Variants in CTNNA2 observed in about 807,000 individuals in gnomAD.
The protein encoded by CTNNA2 is catenin alpha-2.
A neutral mutation model predicts 101.0 loss-of-function variants in CTNNA2; 42 were observed. The ratio of observed to expected loss-of-function variants is 0.42; its 90% CI spans 0.32 to 0.54. The LOEUF (loss-of-function observed/expected upper bound fraction) is 0.54, where lower values mean the gene tolerates loss of function less well. Among genes scored for constraint, CTNNA2 ranks in the 20% least tolerant of loss-of-function variants. The pLI, the probability that CTNNA2 is intolerant of heterozygous loss-of-function variation, is 0.14. For synonymous variants in CTNNA2, 450 were observed against 456.4 expected (o/e 0.99, Z 0.18); for missense variants, 871 against 1,223.1 (o/e 0.71, Z 4.29).
intron 7 of CTNNA2, among the ~76,000 whole-genome samples, chr2:80,328,976 A>G (rs1358623064): frequency 1.3e-5 from 2 of 152,208 alleles, no homozygotes; most frequent in African/African-American, 4.8e-5. Flanking sequence ...ATGGTCATAT[A>G]TGCAGTCCAC....
intron 1 of CTNNA2, chr2:79,523,437 TG>T (rs1461487224): frequency 2.6e-5 from 5 of 192,712 alleles, no homozygotes; most frequent in Non-Finnish European, 5.4e-5. Context: ...TATACACCAT[TG>T]TTTTTTTTAA....
At chr2:80,591,480 C>CTTTTTTTTTTTTTTTTTTTTAAA (rs1473500318) in intron 15 of CTNNA2, among the ~76,000 whole-genome samples, 2 of 33,554 alleles carry the variant, frequency 6.0e-5, no homozygotes, top group Admixed American at 3.5e-4. Flanking sequence ...TTTTTTTTTG[C>CTTTTTTTTTTTTTTTTTTTTAAA]AAACAGACAG....
intron 7 of CTNNA2, among the ~76,000 whole-genome samples, chr2:80,384,874 A>G (rs1338240068): frequency 6.6e-6 from 1 of 152,002 alleles, no homozygotes; most frequent in Non-Finnish European, 1.5e-5. Context: ...GCGGCTTAGT[A>G]TTTTAAGATC....
chr2:80,135,879 T>G (rs1558840993), intron 7 of CTNNA2, among the ~76,000 whole-genome samples: 1 of 152,142 alleles, frequency 6.6e-6, no homozygotes, highest in Admixed American at 6.6e-5. Flanking sequence ...TGTGCACTCC[T>G]TATAACCCCA....
Position 80,648,190 on chromosome 2 carries a change from A to G in CTNNA2, c.*318A>G. ...GGATGGGGAAAATAAACTTAACTCT[A>G]CAAAAGCAAACTCTAATGCATGCAA... is the stretch of plus-strand genomic sequence containing the variant. On this transcript the variant is annotated 3_prime_UTR_variant, in exon 19 of 19. Transcript: ENST00000402739. 5.2e-6 allele frequency: 1 copy of G among 191,698 alleles called. No homozygotes were observed. Among genetic ancestry groups the G allele is most frequent in the East Asian group, 1.2e-4 (1 of 8,482 alleles). The allele number at this position is 191,698 out of a possible 1,614,324, so 11.9% of individuals were successfully genotyped here.
chr2:80,416,521 C>A (rs73941114), intron 8 of CTNNA2, among the ~76,000 whole-genome samples: 3,272 of 152,106 alleles, frequency 0.022, 83 homozygotes, highest in African/African-American at 0.06. Flanking sequence ...CATAGTTAAT[C>A]ATTTGCTTTC....
chr2:80,209,189 CT>C (rs112562965), intron 7 of CTNNA2, among the ~76,000 whole-genome samples: 1,637 of 142,948 alleles, frequency 0.011, 28 homozygotes, highest in African/African-American at 0.037. Context: ...TATGTTTATT[CT>C]TTTTTTTTTT....
Position 80,370,985 on chromosome 2 carries a change from C to T in CTNNA2, c.1057-22226C>T, listed in dbSNP as rs151176927. Among the ~76,000 whole-genome samples, 1,046 of 152,204 alleles carry T rather than the reference C, an allele frequency of 6.9e-3. 6 individuals are homozygous for T. Among genetic ancestry groups the T allele is most frequent in the Non-Finnish European group, 0.011 (728 of 67,996 alleles). On this transcript the variant is annotated intron_variant, in intron 7 of 18. Coordinates refer to ENST00000402739, the MANE Select transcript of CTNNA2 (RefSeq NM_001282597.3). ...GTAGAGAAGTATGATTGAGCAAAAA[C>T]GATATGATCTAATGGTAAGAAACGG...
intron 8 of CTNNA2, among the ~76,000 whole-genome samples, chr2:80,416,013 A>G (rs1054854626): frequency 3.9e-5 from 6 of 152,162 alleles, no homozygotes; most frequent in Non-Finnish European, 7.4e-5. Flanking sequence ...GGTGGAACTC[A>G]CAGAAACAAA....
At chr2:80,324,109 C>T (rs1428541081) in intron 7 of CTNNA2, among the ~76,000 whole-genome samples, 1 of 152,162 alleles carries the variant, frequency 6.6e-6, no homozygotes, top group Non-Finnish European at 1.5e-5. Context: ...TGCTGTTTTA[C>T]ACAAAGACAC....
Position 80,031,936 on chromosome 2 carries a change from C to T in CTNNA2, c.1056+122139C>T, listed in dbSNP as rs570548674. Among the ~76,000 whole-genome samples, 14 of 152,220 alleles carry T rather than the reference C, an allele frequency of 9.2e-5. No individual in the cohort carries two copies. The Middle Eastern group carries it at 0.017, about 185-fold the overall frequency. ...TGTGATAATGGAATGTAAAAAAAGA[C>T]GAAATTTGTTTTAAATGTCGAAAAT... is the stretch of plus-strand genomic sequence containing the variant. On this transcript the variant is annotated intron_variant, in intron 7 of 18. Transcript: ENST00000402739.
At chr2:80,158,685 A>G (rs1315292794) in intron 7 of CTNNA2, among the ~76,000 whole-genome samples, 1 of 152,168 alleles carries the variant, frequency 6.6e-6, no homozygotes, top group East Asian at 1.9e-4. Flanking sequence ...TGAAGCAGGC[A>G]GATCACGAGG....
intron 1 of CTNNA2, among the ~76,000 whole-genome samples, chr2:79,522,547 T>G (rs928929543): frequency 2.6e-5 from 4 of 152,150 alleles, no homozygotes; most frequent in Non-Finnish European, 5.9e-5. Flanking sequence ...AATCAGCAAC[T>G]TTGCTTCAGC....
chr2:79,315,260 G>A (rs1676468389), intron 3 of CTNNA2, among the ~76,000 whole-genome samples: 1 of 152,128 alleles, frequency 6.6e-6, no homozygotes, highest in South Asian at 2.1e-4. Flanking sequence ...TATAATTTAT[G>A]CAGCTTACAA....
intron 4 of CTNNA2, among the ~76,000 whole-genome samples, chr2:79,446,554 T>G (rs1182078735): frequency 6.6e-6 from 1 of 152,070 alleles, no homozygotes; most frequent in Non-Finnish European, 1.5e-5. Context: ...ACATAAAGCT[T>G]AACTACTTGC....
Position 79,736,709 on chromosome 2 carries a change from CCTT to C in CTNNA2, c.103-7675_103-7673del, listed in dbSNP as rs201086027. On this transcript the variant is annotated intron_variant, in intron 2 of 18. Transcript: ENST00000402739. ...TTTTAGGTTGTGGCAGCAATTGAAG[CCTT>C]CTCTTGTGTTAGCTGAGTAATCGTG... Among the ~76,000 whole-genome samples the C allele has an allele frequency of 4.5e-3, 684 of 152,286 alleles. 5 individuals are homozygous for C. Among genetic ancestry groups the C allele is most frequent in the African/African-American group, 0.016 (655 of 41,564 alleles).
intron 7 of CTNNA2, among the ~76,000 whole-genome samples, chr2:80,380,226 C>T (rs1489751406): frequency 6.6e-6 from 1 of 151,790 alleles, no homozygotes; most frequent in African/African-American, 2.4e-5. Context: ...TTGGTAGAGA[C>T]GGGGTTTCAC....
intron 9 of CTNNA2, among the ~76,000 whole-genome samples, chr2:80,490,013 C>T (rs988235179): frequency 2.6e-5 from 4 of 152,130 alleles, no homozygotes; most frequent in Non-Finnish European, 5.9e-5. Context: ...TTAACCTTTA[C>T]AATACCTGTC....
intron 1 of CTNNA2, among the ~76,000 whole-genome samples, chr2:79,638,151 A>G (rs924334594): frequency 6.6e-6 from 1 of 152,206 alleles, no homozygotes; most frequent in African/African-American, 2.4e-5. Flanking sequence ...GTTCAGTGGA[A>G]TCATTGTTGT....
Sources: allele counts gnomAD v4.1 joint callset (sites outside exome capture counted in the v4.1 genomes callset), GRCh38; gene constraint gnomAD v4.1.1; transcripts MANE v1.5; gene names NCBI Gene and HGNC (gene_info 2026-07-23, HGNC 2026-07-21).